Variants in ANXA1 observed in about 807,000 individuals in gnomAD.
The protein encoded by ANXA1 is annexin I (lipocortin I).
A neutral mutation model predicts 47.9 loss-of-function variants in ANXA1; 39 were observed. That is an observed-to-expected ratio of 0.81 (90% CI 0.63 to 1.06). The LOEUF is 1.06. ANXA1 is among the 50% of genes least tolerant of loss of function. ANXA1 has a pLI of 0.00. For synonymous variants in ANXA1, 146 were observed against 142.5 expected (o/e 1.02, Z -0.17); for missense variants, 446 against 422.7 (o/e 1.06, Z -0.48).
At chr9:73,168,881 G>T (rs1824276368) in intron 11 of ANXA1, 151 bp from the exon 12 acceptor site, 2 of 240,620 alleles carry the variant, frequency 8.3e-6, no homozygotes, top group Admixed American at 1.2e-4. Flanking sequence ...TTCGTGTAAG[G>T]TGTGTGTGTG....
At chr9:73,160,033 T>G (rs1344828495) in intron 4 of ANXA1, among the ~76,000 whole-genome samples, 1 of 152,212 alleles carries the variant, frequency 6.6e-6, no homozygotes, top group African/African-American at 2.4e-5. Context: ...CCCTATGCTT[T>G]AAGAAGTTAT....
In ANXA1 at chr9:73,165,114, A is replaced by C. The variant is rs1824204682; in HGVS notation, c.613-2A>C. ...AGTGTTTACTTTTGTGTTTCTTGAC[A>C]GGCCTTGTATGAAGCAGGAGAAAGG... is the stretch of plus-strand genomic sequence containing the variant. On this transcript the variant is annotated splice_acceptor_variant, in intron 8 of 12. Coordinates refer to ENST00000257497, the MANE Select transcript of ANXA1 (RefSeq NM_000700.3). LOFTEE classifies it high-confidence loss of function. The C allele has an allele frequency of 6.2e-7, 1 of 1,610,580 alleles. No individual in the cohort carries two copies. Among genetic ancestry groups the C allele is most frequent in the African/African-American group, 1.3e-5 (1 of 74,778 alleles).
chr9:73,152,519 C>T lies in ANXA1; in HGVS notation c.-15+595C>T, dbSNP rs149156348. Among the ~76,000 whole-genome samples the T allele has an allele frequency of 3.9e-5, 6 of 151,988 alleles. No homozygotes were observed. In the East Asian group the frequency reaches 7.7e-4, roughly 20 times the overall value. Reference sequence around the variant, plus strand: ...TTATGCTATTTAAAATAAGAAGGTCCGCTTATTACTTTTTTCATTTAAAGA... The same window carrying T: ...TTATGCTATTTAAAATAAGAAGGTCTGCTTATTACTTTTTTCATTTAAAGA... On this transcript the variant is annotated intron_variant, in intron 1 of 12. Coordinates refer to ENST00000257497, the MANE Select transcript of ANXA1 (RefSeq NM_000700.3).
At chr9:73,163,251 T>A (rs1824173787) in intron 7 of ANXA1, among the ~76,000 whole-genome samples, 1 of 152,120 alleles carries the variant, frequency 6.6e-6, no homozygotes, top group Non-Finnish European at 1.5e-5. Context: ...TACCTCCCTC[T>A]AGGCCCCACC....
chr9:73,163,619 A>C, intron 8 of ANXA1, 87 bp downstream of exon 8: 3 of 1,394,572 alleles, frequency 2.2e-6, no homozygotes, highest in East Asian at 2.3e-5. Context: ...AAGCAAATCT[A>C]AGATCTTCTG....
In ANXA1 at chr9:73,163,533, G is replaced by A. The variant is rs1236144954; in HGVS notation, c.612+1G>A. The A allele has an allele frequency of 1.2e-6, 2 of 1,612,614 alleles. No homozygotes were observed. Among genetic ancestry groups the A allele is most frequent in the East Asian group, 4.5e-5 (2 of 44,830 alleles). On this transcript the variant is annotated splice_donor_variant, in intron 8 of 12. Coordinates refer to ENST00000257497, the MANE Select transcript of ANXA1 (RefSeq NM_000700.3). LOFTEE classifies it high-confidence loss of function. ...AGACTTGGCTGATTCAGATGCCAGG[G>A]TAAGGAAGTGCTTACAAAATACTGC...
At chr9:73,159,720 G>T (rs1224208239) in intron 4 of ANXA1, 1 of 222,176 alleles carries the variant, frequency 4.5e-6, no homozygotes, top group East Asian at 1.1e-4. Flanking sequence ...AATATGGTCT[G>T]ATTGAAATGT....
At chr9:73,160,461 A>G (rs553685193) in intron 5 of ANXA1, 85 bp downstream of exon 5, 2 of 874,314 alleles carry the variant, frequency 2.3e-6, no homozygotes, top group Admixed American at 2.8e-5. Context: ...TTCAAAATCT[A>G]GTATAGTACC....
chr9:73,161,185 G>A (rs1361868634), intron 6 of ANXA1, among the ~76,000 whole-genome samples: 1 of 152,038 alleles, frequency 6.6e-6, no homozygotes, highest in Non-Finnish European at 1.5e-5. Context: ...CCTCAATTCA[G>A]AGCATTGAAT....
At chr9:73,153,030 G>A (rs1031381483) in intron 1 of ANXA1, among the ~76,000 whole-genome samples, 2 of 152,174 alleles carry the variant, frequency 1.3e-5, no homozygotes, top group African/African-American at 4.8e-5. Context: ...AGCTGTAAGA[G>A]AATGCACATT....
intron 6 of ANXA1, 108 bp from the exon 7 acceptor site, chr9:73,162,674 C>A: frequency 1.5e-6 from 1 of 652,316 alleles, no homozygotes; most frequent in South Asian, 2.8e-5. Flanking sequence ...TTCCATAAGT[C>A]ATTGAACACT....
At chr9:73,157,013 T>G (rs972650794) in intron 1 of ANXA1, among the ~76,000 whole-genome samples, 6 of 152,160 alleles carry the variant, frequency 3.9e-5, no homozygotes, top group African/African-American at 1.4e-4. Context: ...TGCCAAGTCA[T>G]GATAGCAATT....
intron 4 of ANXA1, chr9:73,159,646 G>A (rs750882568): frequency 6.1e-5 from 22 of 360,284 alleles, no homozygotes; most frequent in Non-Finnish European, 1.1e-4. Flanking sequence ...GTTTGCAGAT[G>A]TGGTGCTCTG....
intron 10 of ANXA1, among the ~76,000 whole-genome samples, chr9:73,166,729 G>C (rs923724106): frequency 6.6e-6 from 1 of 152,108 alleles, no homozygotes; most frequent in Non-Finnish European, 1.5e-5. Context: ...CTATGCACTT[G>C]AATCCCCTGG....
chr9:73,163,826 T>C (rs1235314024), intron 8 of ANXA1, among the ~76,000 whole-genome samples: 2 of 152,160 alleles, frequency 1.3e-5, no homozygotes, highest in Non-Finnish European at 2.9e-5. Context: ...TGACCTTTCG[T>C]TGTACTAGGT....
At chr9:73,152,944 T>C (rs900485444) in intron 1 of ANXA1, among the ~76,000 whole-genome samples, 3 of 152,210 alleles carry the variant, frequency 2.0e-5, no homozygotes, top group Non-Finnish European at 4.4e-5. Flanking sequence ...GAATTTTTCT[T>C]GCCTTGGTTA....
chr9:73,167,510 A>G lies in ANXA1; in HGVS notation c.816A>G (p.Thr272=). ...CTTCTCTAACAGTGAAGTGCGCCAC[A>G]AGCAAACCAGCTTTCTTTGCAGAGA... ...KCLTAIVKCA[T]SKPAFFAEKL... Residue 272 remains threonine (T), a synonymous_variant, in exon 11 of 13, where the codon ACA becomes ACG. Coordinates refer to ENST00000257497, the MANE Select transcript of ANXA1 (RefSeq NM_000700.3). The G allele has an allele frequency of 6.2e-7, 1 of 1,613,482 alleles. No homozygotes were observed. The highest frequency in any genetic ancestry group is 8.5e-7 in the Non-Finnish European group (1 of 1,179,552).
At chr9:73,164,597 G>C (rs376649584) in intron 8 of ANXA1, among the ~76,000 whole-genome samples, 1 of 151,974 alleles carries the variant, frequency 6.6e-6, no homozygotes, top group South Asian at 2.1e-4. Context: ...ATAGGGCAGG[G>C]ATTATATTTT....
intron 12 of ANXA1, among the ~76,000 whole-genome samples, chr9:73,169,446 T>A (rs1398877901): frequency 1.3e-5 from 2 of 152,230 alleles, no homozygotes; most frequent in Middle Eastern, 3.4e-3. Flanking sequence ...TAGATAGACA[T>A]TGTGGTTTAT....
Sources: allele counts gnomAD v4.1 joint callset (sites outside exome capture counted in the v4.1 genomes callset), GRCh38; gene constraint gnomAD v4.1.1; transcripts MANE v1.5; gene names NCBI Gene and HGNC (gene_info 2026-07-23, HGNC 2026-07-21).